The following CTNNA3 variants were observed in gnomAD, a reference collection of about 807,000 sequenced individuals.
CTNNA3 encodes the protein catenin alpha-3.
Under a neutral mutation model 95.7 loss-of-function variants are expected in CTNNA3, and 76 were observed. That is an observed-to-expected ratio of 0.79 (90% CI 0.66 to 0.96). CTNNA3 has a LOEUF of 0.96. Among genes scored for constraint, CTNNA3 ranks in the 40% least tolerant of loss-of-function variants. The pLI is 0.00. For synonymous variants in CTNNA3, 431 were observed against 374.4 expected (o/e 1.15, Z -1.74); for missense variants, 1,191 against 1,089.8 (o/e 1.09, Z -1.31).
In CTNNA3 at chr10:66,815,345, C is replaced by T. The variant is rs141883710; in HGVS notation, c.1048-39821G>A. 2.0e-4 allele frequency among the ~76,000 whole-genome samples: 31 copies of T among 152,134 alleles called. 1 individual carries two copies. The highest frequency in any genetic ancestry group is 1.4e-3 in the East Asian group (7 of 5,158). On this transcript the variant is annotated intron_variant, in intron 7 of 17. Coordinates refer to ENST00000433211, the MANE Select transcript of CTNNA3 (RefSeq NM_013266.4). ...CCTCCCTTCATCCCCAGTTCTGTGG[C>T]GGCCTTGAAAACAAACAATTCACTT...
intron 5 of CTNNA3, among the ~76,000 whole-genome samples, chr10:67,519,558 G>C (rs189422452): frequency 6.6e-6 from 1 of 152,072 alleles, no homozygotes; most frequent in Admixed American, 6.6e-5. Flanking sequence ...TTTTGGCATG[G>C]TTCTTTGTTC....
At chr10:67,396,501 A>C (rs1388194647) in intron 5 of CTNNA3, among the ~76,000 whole-genome samples, 1 of 152,184 alleles carries the variant, frequency 6.6e-6, no homozygotes, top group East Asian at 1.9e-4. Flanking sequence ...TAGGAGTGTC[A>C]AACCCCACAC....
chr10:67,626,866 T>C (rs562364122), intron 2 of CTNNA3, among the ~76,000 whole-genome samples: 2 of 152,344 alleles, frequency 1.3e-5, no homozygotes, highest in South Asian at 2.1e-4. Context: ...ATAAATTATA[T>C]AACTAGCCCA....
At chr10:67,002,677 T>C (rs201173185) in intron 7 of CTNNA3, among the ~76,000 whole-genome samples, 1 of 152,140 alleles carries the variant, frequency 6.6e-6, no homozygotes, top group African/African-American at 2.4e-5. Flanking sequence ...CCTACTTGTT[T>C]ATAAAACTTG....
chr10:67,325,749 A>G (rs1427714070), intron 5 of CTNNA3, among the ~76,000 whole-genome samples: 2 of 152,112 alleles, frequency 1.3e-5, no homozygotes. Context: ...TAGCAGGTAC[A>G]TTTGATCCAG....
chr10:66,821,707 T>C (rs932631271), intron 7 of CTNNA3, among the ~76,000 whole-genome samples: 1 of 152,248 alleles, frequency 6.6e-6, no homozygotes, highest in African/African-American at 2.4e-5. Flanking sequence ...AGATTCCTCA[T>C]GAACTTATAC....
At chr10:67,387,375 A>G (rs911550906) in intron 5 of CTNNA3, among the ~76,000 whole-genome samples, 8 of 152,116 alleles carry the variant, frequency 5.3e-5, no homozygotes, top group African/African-American at 1.4e-4. Flanking sequence ...GCGCACCACG[A>G]GAGTATATCC....
chr10:67,484,216 T>C (rs1481984464), intron 5 of CTNNA3, among the ~76,000 whole-genome samples: 1 of 152,122 alleles, frequency 6.6e-6, no homozygotes, highest in Non-Finnish European at 1.5e-5. Flanking sequence ...AAACAAGCAA[T>C]GGGGAAAGGA....
intron 9 of CTNNA3, among the ~76,000 whole-genome samples, chr10:66,685,534 G>T (rs1010923044): frequency 8.7e-5 from 13 of 148,888 alleles, no homozygotes; most frequent in Non-Finnish European, 1.3e-4. Flanking sequence ...CACCACGCCC[G>T]GCTAACTTTT....
Position 66,927,857 on chromosome 10 carries a change from G to T in CTNNA3, c.1048-152333C>A. 1 of 1,614,206 alleles carries T rather than the reference G, an allele frequency of 6.2e-7. No individual in the cohort carries two copies. The highest frequency in any genetic ancestry group is 8.5e-7 in the Non-Finnish European group (1 of 1,180,034). Reference sequence around the variant, plus strand: ...GACATCAGTCTTGCTGGGAATATATGGGAATGCAGCAGAAATATTTGCTCC... The same window carrying T: ...GACATCAGTCTTGCTGGGAATATATTGGAATGCAGCAGAAATATTTGCTCC... On this transcript the variant is annotated intron_variant, in intron 7 of 17. Coordinates refer to ENST00000433211, the MANE Select transcript of CTNNA3 (RefSeq NM_013266.4). The surrounding 1 kb of genome is among the most constrained non-coding windows in gnomAD (Gnocchi z 4.7).
chr10:66,903,822 G>T (rs1456582487), intron 7 of CTNNA3, among the ~76,000 whole-genome samples: 1 of 152,080 alleles, frequency 6.6e-6, no homozygotes, highest in East Asian at 1.9e-4. Context: ...AACTTACAAG[G>T]GATGTGAAGG....
chr10:67,756,681 G>A (rs1409472761), intron 1 of CTNNA3, among the ~76,000 whole-genome samples: 1 of 152,180 alleles, frequency 6.6e-6, no homozygotes, highest in Non-Finnish European at 1.5e-5. Context: ...AGGGGCTGAG[G>A]AAAGTGGGGA....
intron 7 of CTNNA3, among the ~76,000 whole-genome samples, chr10:67,158,061 C>T (rs987623253): frequency 6.6e-6 from 1 of 151,770 alleles, no homozygotes; most frequent in Admixed American, 6.6e-5. Context: ...ACTGGACTGC[C>T]CCCACCGGGT....
rs116438497 is a variant in CTNNA3, at chr10:66,486,344, A to T, written c.1531+34273T>A. On this transcript the variant is annotated intron_variant, in intron 11 of 17. Transcript: ENST00000433211. The stretch of plus-strand genomic sequence containing the variant: ...CCAAATTACATAATGAACTCACTGA[A>T]CTCAATAGCAAAATACAAATAAGAC... Among the ~76,000 whole-genome samples the T allele has an allele frequency of 4.9e-3, 749 of 152,304 alleles. 7 individuals are homozygous for T. Among genetic ancestry groups the T allele is most frequent in the African/African-American group, 0.017 (697 of 41,546 alleles).
chr10:66,358,129 C>T (rs2092625411), intron 12 of CTNNA3, among the ~76,000 whole-genome samples: 1 of 152,110 alleles, frequency 6.6e-6, no homozygotes, highest in African/African-American at 2.4e-5. Context: ...TTTGTATTTT[C>T]TATTTCTCTT....
chr10:66,685,274 C>CGTATATATGTGT (rs1220128328), intron 9 of CTNNA3, among the ~76,000 whole-genome samples: 5,481 of 56,382 alleles, frequency 0.097, 310 homozygotes, highest in African/African-American at 0.18. Flanking sequence ...TGTATATATA[C>CGTATATATGTGT]GTATATATAA....
chr10:67,145,144 A>G (rs1311725948), intron 7 of CTNNA3, among the ~76,000 whole-genome samples: 1 of 152,170 alleles, frequency 6.6e-6, no homozygotes, highest in East Asian at 1.9e-4. Flanking sequence ...ACTGTCCCCC[A>G]TGGGCATGTT....
At chr10:67,753,149 G>C (rs1031407106) in intron 1 of CTNNA3, among the ~76,000 whole-genome samples, 1 of 152,078 alleles carries the variant, frequency 6.6e-6, no homozygotes, top group African/African-American at 2.4e-5. Context: ...ACAGAATAGA[G>C]ATCTCAGAAA....
chr10:66,629,867 C>G (rs79736457), intron 9 of CTNNA3, among the ~76,000 whole-genome samples: 2 of 152,268 alleles, frequency 1.3e-5, no homozygotes, highest in African/African-American at 4.8e-5. Context: ...TGCTTAACTG[C>G]TATCCATCAG....
Sources: allele counts gnomAD v4.1 joint callset (sites outside exome capture counted in the v4.1 genomes callset), GRCh38; gene constraint gnomAD v4.1.1; non-coding constraint Gnocchi (gnomAD v3.1); transcripts MANE v1.5; gene names NCBI Gene and HGNC (gene_info 2026-07-23, HGNC 2026-07-21).